The following ZCCHC13 variants were observed in gnomAD, a reference collection of about 807,000 sequenced individuals.
The protein encoded by ZCCHC13 is zinc finger CCHC domain-containing protein 13.
For missense variants in ZCCHC13, 133 were observed against 135.9 expected (o/e 0.98, Z 0.11); for synonymous variants, 58 against 52.3 (o/e 1.11, Z -0.47).
In ZCCHC13 at chrX:74,304,995, G is replaced by A. The variant is rs1459167228; in HGVS notation, c.*228G>A. ...TTAACGTGTTGCTTCTGCCCCACGGGCAAATCTAGTTATTAAATAGTCATT... is the reference window on the plus strand; with the variant it reads ...TTAACGTGTTGCTTCTGCCCCACGGACAAATCTAGTTATTAAATAGTCATT... On this transcript the variant is annotated 3_prime_UTR_variant, in exon 1 of 1. Coordinates refer to ENST00000339534, the MANE Select transcript of ZCCHC13 (RefSeq NM_203303.3). 5.6e-6 allele frequency: 2 copies of A among 359,577 alleles called. No homozygotes were observed. The highest frequency in any genetic ancestry group is 1.0e-5 in the Non-Finnish European group (2 of 198,735). 29.6% of individuals were successfully genotyped at this position (359,577 alleles called of 1,213,427 possible).
At position 74,304,767 on chromosome X, in the gene ZCCHC13, AG is replaced by A; in HGVS notation, c.*2del. Reference sequence around the variant, plus strand: ...CATCTAGCCAAGGAATGTCCCAGTGAGGTTACCACTTAAATCTTCCCCCCCA... The same window carrying A: ...CATCTAGCCAAGGAATGTCCCAGTGAGTTACCACTTAAATCTTCCCCCCCA... On this transcript the variant is annotated 3_prime_UTR_variant, in exon 1 of 1. Coordinates refer to ENST00000339534, the MANE Select transcript of ZCCHC13 (RefSeq NM_203303.3). The A allele has an allele frequency of 8.3e-7, 1 of 1,202,984 alleles. No homozygotes were observed. Among genetic ancestry groups the A allele is most frequent in the Non-Finnish European group, 1.1e-6 (1 of 889,123 alleles).
chrX:74,304,765 T>A lies in ZCCHC13; in HGVS notation c.499T>A (p.Ter167ArgextTer15). ...IPTSSQGMSQ[*>R] ...GACATCTAGCCAAGGAATGTCCCAG[T>A]GAGGTTACCACTTAAATCTTCCCCC... is the stretch of plus-strand genomic sequence containing the variant. Residue 167 changes from the stop codon to arginine, a stop_lost, in exon 1 of 1, where the codon TGA becomes AGA. Coordinates refer to ENST00000339534, the MANE Select transcript of ZCCHC13 (RefSeq NM_203303.3). The A allele has an allele frequency of 8.3e-7, 1 of 1,205,522 alleles. No homozygotes were observed. Among genetic ancestry groups the A allele is most frequent in the Middle Eastern group, 2.3e-4 (1 of 4,338 alleles).
chrX:74,304,697 G>T lies in ZCCHC13; in HGVS notation c.431G>T (p.Ser144Ile). 1 of 1,211,645 alleles carries T rather than the reference G, an allele frequency of 8.3e-7. No homozygotes were observed. Among genetic ancestry groups the T allele is most frequent in the African/African-American group, 1.7e-5 (1 of 57,770 alleles). Residue 144 changes from serine to isoleucine, a missense_variant, in exon 1 of 1, where the codon AGC becomes ATC. Transcript: ENST00000339534. Reference sequence around the variant, plus strand: ...ATTGGCCACGTGGCCATCAATTGCAGCAAGGCGAGGCCAGGTCAACTGCTA... The same window carrying T: ...ATTGGCCACGTGGCCATCAATTGCATCAAGGCGAGGCCAGGTCAACTGCTA... ...GEIGHVAINCSKARPGQLLPL... is the reference protein window; with the variant it reads ...GEIGHVAINCIKARPGQLLPL...
rs772540255 is a variant in ZCCHC13 at position 74,304,232 on chromosome X, G to A, written c.-35G>A. On this transcript the variant is annotated 5_prime_UTR_variant, in exon 1 of 1. Transcript: ENST00000339534. Reference sequence around the variant, plus strand: ...GTTGCGCCGGGGCCTCCGGGGCCGAGGTGGGCCTGCTCATTGGAAGATCGC... The same window carrying A: ...GTTGCGCCGGGGCCTCCGGGGCCGAAGTGGGCCTGCTCATTGGAAGATCGC... 6.9e-6 allele frequency: 8 copies of A among 1,158,519 alleles called. No homozygotes were observed. The highest frequency in any genetic ancestry group is 2.0e-5 in the South Asian group (1 of 49,907).
At position 74,304,860 on chromosome X, in the gene ZCCHC13, G is replaced by A; in HGVS notation, c.*93G>A. On this transcript the variant is annotated 3_prime_UTR_variant, in exon 1 of 1. Coordinates refer to ENST00000339534, the MANE Select transcript of ZCCHC13 (RefSeq NM_203303.3). Reference sequence around the variant, plus strand: ...CGAAAACTTCACTCACCGAAAGGTCGATAGATTGAGGCTACTCTCAGGCAA... The same window carrying A: ...CGAAAACTTCACTCACCGAAAGGTCAATAGATTGAGGCTACTCTCAGGCAA... 1 of 729,504 alleles carries A rather than the reference G, an allele frequency of 1.4e-6. No individual in the cohort carries two copies. Among genetic ancestry groups the A allele is most frequent in the Non-Finnish European group, 2.0e-6 (1 of 498,313 alleles). The allele number at this position is 729,504 out of a possible 1,213,427, so 60.1% of individuals were successfully genotyped here.
rs1926499085 is a variant in ZCCHC13 at position 74,304,644 on chromosome X, C to A, written c.378C>A (p.Ala126=). 8.3e-7 allele frequency: 1 copy of A among 1,211,647 alleles called. No homozygotes were observed. The highest frequency in any genetic ancestry group is 1.7e-5 in the African/African-American group (1 of 57,737). Residue 126 remains alanine (A), a synonymous_variant, in exon 1 of 1, where the codon GCC becomes GCA. Transcript: ENST00000339534. The stretch of plus-strand genomic sequence containing the variant: ...TTGGGCACATTCAGAAAGACTGCGC[C>A]CAGGTCAAGTGTTACCGATGCGGCG... ...GKLGHIQKDC[A]QVKCYRCGEI...
Position 74,304,318 on chromosome X carries a change from G to A in ZCCHC13, c.52G>A (p.Gly18Arg). The change falls in exon 1 of 1, where the codon GGA (glycine) becomes AGA (arginine). Residue 18 changes from glycine to arginine, a missense_variant. Physicochemically the swap from Gly to Arg is moderately radical, Grantham distance 125 (BLOSUM62 -2). Transcript: ENST00000339534. ...ACGHSGHWAR[G>R]CPRGGAGGRR... ...TGGACACTCTGGCCATTGGGCTCGG[G>A]GATGCCCTAGAGGAGGAGCTGGAGG... The A allele has an allele frequency of 8.3e-7, 1 of 1,210,992 alleles. No individual in the cohort carries two copies. The highest frequency in any genetic ancestry group is 1.1e-6 in the Non-Finnish European group (1 of 894,969).
Position 74,304,710 on chromosome X carries a change from A to G in ZCCHC13, c.444A>G (p.Pro148=), listed in dbSNP as rs1231923512. 7 of 1,209,754 alleles carry G rather than the reference A, an allele frequency of 5.8e-6. No individual in the cohort carries two copies. The Admixed American group carries it at 8.7e-5, about 15-fold the overall frequency. The change falls in exon 1 of 1, where the codon CCA becomes CCG. Residue 148 remains proline (P), a synonymous_variant. Coordinates refer to ENST00000339534, the MANE Select transcript of ZCCHC13 (RefSeq NM_203303.3). Reference sequence around the variant, plus strand: ...CCATCAATTGCAGCAAGGCGAGGCCAGGTCAACTGCTACCGCTGCGGCAAA... The same window carrying G: ...CCATCAATTGCAGCAAGGCGAGGCCGGGTCAACTGCTACCGCTGCGGCAAA... ...HVAINCSKAR[P]GQLLPLRQIP... is the part of the protein sequence containing the mutation.
chrX:74,304,769 G>C lies in ZCCHC13; in HGVS notation c.*2G>C, dbSNP rs1397964485. 8.3e-7 allele frequency: 1 copy of C among 1,199,531 alleles called. No homozygotes were observed. The highest frequency in any genetic ancestry group is 1.8e-5 in the African/African-American group (1 of 56,459). Reference sequence around the variant, plus strand: ...TCTAGCCAAGGAATGTCCCAGTGAGGTTACCACTTAAATCTTCCCCCCCAC... The same window carrying C: ...TCTAGCCAAGGAATGTCCCAGTGAGCTTACCACTTAAATCTTCCCCCCCAC... On this transcript the variant is annotated 3_prime_UTR_variant, in exon 1 of 1. Transcript: ENST00000339534.
Position 74,304,743 on chromosome X carries a change from A to G in ZCCHC13, c.477A>G (p.Thr159=), listed in dbSNP as rs745425832. The change falls in exon 1 of 1, where the codon ACA becomes ACG. Residue 159 remains threonine, a synonymous_variant. Coordinates refer to ENST00000339534, the MANE Select transcript of ZCCHC13 (RefSeq NM_203303.3). ...GQLLPLRQIP[T]SSQGMSQ The stretch of plus-strand genomic sequence containing the variant: ...TGCTACCGCTGCGGCAAATCCCGAC[A>G]TCTAGCCAAGGAATGTCCCAGTGAG... 17 of 1,208,083 alleles carry G rather than the reference A, an allele frequency of 1.4e-5. 1 individual carries two copies. The South Asian group carries it at 3.0e-4, about 21-fold the overall frequency.
At position 74,304,672 on chromosome X, in the gene ZCCHC13, A is replaced by G. The variant is rs1375935551; in HGVS notation, c.406A>G (p.Ile136Val). 4 of 1,209,822 alleles carry G rather than the reference A, an allele frequency of 3.3e-6. No individual in the cohort carries two copies. Among genetic ancestry groups the G allele is most frequent in the Non-Finnish European group, 4.5e-6 (4 of 895,223 alleles). Residue 136 changes from isoleucine (I) to valine (V), a missense_variant, in exon 1 of 1, where the codon ATT (isoleucine) becomes GTT (valine). By Grantham distance (29) the Ile-to-Val change is conservative. Coordinates refer to ENST00000339534, the MANE Select transcript of ZCCHC13 (RefSeq NM_203303.3). The stretch of plus-strand genomic sequence containing the variant: ...GGTCAAGTGTTACCGATGCGGCGAG[A>G]TTGGCCACGTGGCCATCAATTGCAG... ...AQVKCYRCGE[I>V]GHVAINCSKA...
At position 74,304,622 on chromosome X, in the gene ZCCHC13, G is replaced by A. The variant is rs866342843; in HGVS notation, c.356G>A (p.Gly119Glu). 5 of 1,211,820 alleles carry A rather than the reference G, an allele frequency of 4.1e-6. No individual in the cohort carries two copies. In the Admixed American group the frequency reaches 8.7e-5, roughly 21 times the overall value. Reference sequence around the variant, plus strand: ...AAATGCTACTCTTGCGGCAAACTTGGGCACATTCAGAAAGACTGCGCCCAG... The same window carrying A: ...AAATGCTACTCTTGCGGCAAACTTGAGCACATTCAGAAAGACTGCGCCCAG... ...EQKCYSCGKLGHIQKDCAQVK... is the reference protein window; with the variant it reads ...EQKCYSCGKLEHIQKDCAQVK... The change falls in exon 1 of 1, where the codon GGG becomes GAG. Residue 119 changes from glycine (G) to glutamate (E), a missense_variant. Gly to Glu is a moderately conservative substitution (Grantham distance 98). Transcript: ENST00000339534.
At position 74,304,294 on chromosome X, in the gene ZCCHC13, G is replaced by A. The variant is rs1926487500; in HGVS notation, c.28G>A (p.Gly10Arg). The change falls in exon 1 of 1, where the codon GGA (glycine) becomes AGA (arginine). Residue 10 changes from glycine (G) to arginine (R), a missense_variant. Gly to Arg is a moderately radical substitution (Grantham distance 125, BLOSUM62 -2). Transcript: ENST00000339534. Reference sequence around the variant, plus strand: ...GAGCAGTAAGGATTTCTTCGCGTGTGGACACTCTGGCCATTGGGCTCGGGG... The same window carrying A: ...GAGCAGTAAGGATTTCTTCGCGTGTAGACACTCTGGCCATTGGGCTCGGGG... MSSKDFFAC[G>R]HSGHWARGCP... 8.3e-7 allele frequency: 1 copy of A among 1,206,819 alleles called. No individual in the cohort carries two copies. The highest frequency in any genetic ancestry group is 1.7e-5 in the African/African-American group (1 of 57,465).
Position 74,304,809 on chromosome X carries a change from C to A in ZCCHC13, c.*42C>A. 1.2e-6 allele frequency: 1 copy of A among 858,850 alleles called. No homozygotes were observed. Among genetic ancestry groups the A allele is most frequent in the African/African-American group, 2.5e-5 (1 of 40,635 alleles). 70.8% of individuals were successfully genotyped at this position (858,850 alleles called of 1,213,427 possible). The stretch of plus-strand genomic sequence containing the variant: ...TTCCCCCCCACCCCCCACCCTTTTG[C>A]TGATTGATAATTGTATTATTTTCTC... On this transcript the variant is annotated 3_prime_UTR_variant, in exon 1 of 1. Coordinates refer to ENST00000339534, the MANE Select transcript of ZCCHC13 (RefSeq NM_203303.3).
In ZCCHC13 at chrX:74,304,793, AC is replaced by A. The variant is rs761894859; in HGVS notation, c.*32del. On this transcript the variant is annotated 3_prime_UTR_variant, in exon 1 of 1. Coordinates refer to ENST00000339534, the MANE Select transcript of ZCCHC13 (RefSeq NM_203303.3). The stretch of plus-strand genomic sequence containing the variant: ...GGTTACCACTTAAATCTTCCCCCCC[AC>A]CCCCCACCCTTTTGCTGATTGATAA... The A allele has an allele frequency of 1.4e-5, 7 of 501,895 alleles. No homozygotes were observed. The highest frequency in any genetic ancestry group is 4.1e-5 in the African/African-American group (1 of 24,506). The allele number at this position is 501,895 out of a possible 1,213,427, so 41.4% of individuals were successfully genotyped here.
At position 74,304,969 on chromosome X, in the gene ZCCHC13, A is replaced by C; in HGVS notation, c.*202A>C. 2.6e-6 allele frequency: 1 copy of C among 385,904 alleles called. No homozygotes were observed. The highest frequency in any genetic ancestry group is 4.7e-6 in the Non-Finnish European group (1 of 213,575). 31.8% of individuals were successfully genotyped at this position (385,904 alleles called of 1,213,427 possible). The stretch of plus-strand genomic sequence containing the variant: ...GTTAATCATTGGTAGATGCCCCACA[A>C]TTAACGTGTTGCTTCTGCCCCACGG... On this transcript the variant is annotated 3_prime_UTR_variant, in exon 1 of 1. Transcript: ENST00000339534.
In ZCCHC13 at chrX:74,304,226, G is replaced by C. The variant is rs1445798428; in HGVS notation, c.-41G>C. The C allele has an allele frequency of 8.7e-7, 1 of 1,144,870 alleles. No homozygotes were observed. Among genetic ancestry groups the C allele is most frequent in the South Asian group, 2.1e-5 (1 of 48,185 alleles). The allele number at this position is 1,144,870 out of a possible 1,213,427, so 94.4% of individuals were successfully genotyped here. On this transcript the variant is annotated 5_prime_UTR_variant, in exon 1 of 1. Transcript: ENST00000339534. The stretch of plus-strand genomic sequence containing the variant: ...AGCGGGGTTGCGCCGGGGCCTCCGG[G>C]GCCGAGGTGGGCCTGCTCATTGGAA...
rs1423772206 is a variant in ZCCHC13, at chrX:74,304,258, A to T, written c.-9A>T. On this transcript the variant is annotated 5_prime_UTR_variant, in exon 1 of 1. Coordinates refer to ENST00000339534, the MANE Select transcript of ZCCHC13 (RefSeq NM_203303.3). Reference sequence around the variant, plus strand: ...GTGGGCCTGCTCATTGGAAGATCGCATCGCAGCCATGAGCAGTAAGGATTT... The same window carrying T: ...GTGGGCCTGCTCATTGGAAGATCGCTTCGCAGCCATGAGCAGTAAGGATTT... 8.4e-7 allele frequency: 1 copy of T among 1,184,965 alleles called. No individual in the cohort carries two copies. Among genetic ancestry groups the T allele is most frequent in the South Asian group, 1.9e-5 (1 of 53,353 alleles).
chrX:74,304,224 G>C lies in ZCCHC13; in HGVS notation c.-43G>C, dbSNP rs1185466693. ...AAAGCGGGGTTGCGCCGGGGCCTCC[G>C]GGGCCGAGGTGGGCCTGCTCATTGG... On this transcript the variant is annotated 5_prime_UTR_variant, in exon 1 of 1. Transcript: ENST00000339534. 2.6e-6 allele frequency: 3 copies of C among 1,142,656 alleles called. No individual in the cohort carries two copies. The highest frequency in any genetic ancestry group is 2.3e-6 in the Non-Finnish European group (2 of 859,901). The allele number at this position is 1,142,656 out of a possible 1,213,427, so 94.2% of individuals were successfully genotyped here.
Sources: gnomAD v4.1 joint callset for allele counts on GRCh38, gnomAD v4.1.1 for gene constraint, MANE v1.5 for transcripts, NCBI Gene and HGNC (gene_info 2026-07-23, HGNC 2026-07-21) for gene names.